Variants in PITPNM2 observed in about 807,000 individuals in gnomAD.
PITPNM2 encodes phosphatidylinositol transfer protein membrane associated 2.
In PITPNM2, 35 loss-of-function variants were observed where a neutral mutation model predicts 132.2. That is an observed-to-expected ratio of 0.26 (90% CI 0.20 to 0.35). The LOEUF (loss-of-function observed/expected upper bound fraction) is 0.35. Ranked by LOEUF, PITPNM2 falls within the 10% of genes least tolerant of loss-of-function variation. The probability of loss-of-function intolerance (pLI) is 1.00; values close to 1 mark genes in which losing one functional copy is unlikely to be tolerated. For missense variants in PITPNM2, 1,332 were observed against 1,912.0 expected, an observed-to-expected ratio of 0.70 and a Z score of 5.66; for synonymous variants, 738 against 799.2, an observed-to-expected ratio of 0.92 and a Z score of 1.29.
At chr12:123,041,650 G>A (rs1421815159) in intron 2 of PITPNM2, among the ~76,000 whole-genome samples, 4 of 152,166 alleles carry the variant, frequency 2.6e-5, no homozygotes, top group African/African-American at 9.7e-5. Flanking sequence ...ATTTCATCTC[G>A]TCTCTGCCGG....
At chr12:123,054,958 G>T (rs1270260109) in intron 2 of PITPNM2, among the ~76,000 whole-genome samples, 1 of 152,152 alleles carries the variant, frequency 6.6e-6, no homozygotes, top group East Asian at 1.9e-4. Flanking sequence ...CAGCTATTCA[G>T]GAGGCTGAGG....
At chr12:123,096,527 G>A (rs1240877508) in intron 2 of PITPNM2, among the ~76,000 whole-genome samples, 2 of 152,182 alleles carry the variant, frequency 1.3e-5, no homozygotes, top group East Asian at 3.9e-4. Context: ...AAGATGGGGA[G>A]GGGGGCGAGG....
At chr12:123,041,710 T>A (rs2040483245) in intron 2 of PITPNM2, among the ~76,000 whole-genome samples, 1 of 152,038 alleles carries the variant, frequency 6.6e-6, no homozygotes, top group South Asian at 2.1e-4. Context: ...CTGCAGGGCA[T>A]CTTTTGGGGC....
At chr12:123,026,225 G>A (rs2136371531) in intron 3 of PITPNM2, among the ~76,000 whole-genome samples, 1 of 152,320 alleles carries the variant, frequency 6.6e-6, no homozygotes, top group Non-Finnish European at 1.5e-5. Flanking sequence ...TGGCGTAATG[G>A]GTGGAATGTC....
chr12:123,051,829 AT>A (rs749109383), intron 2 of PITPNM2, among the ~76,000 whole-genome samples: 1 of 152,142 alleles, frequency 6.6e-6, no homozygotes, highest in Non-Finnish European at 1.5e-5. Flanking sequence ...CCCATCTGCG[AT>A]CACTCTAAAT....
chr12:123,150,805 C>CCGCCACCTCA lies in PITPNM2; in HGVS notation c.-262_-253dup, dbSNP rs2043726721. Among the ~76,000 whole-genome samples, 1 of 147,520 alleles carries CCGCCACCTCA rather than the reference C, an allele frequency of 6.8e-6. No individual in the cohort carries two copies. Among genetic ancestry groups the CCGCCACCTCA allele is most frequent in the South Asian group, 2.1e-4 (1 of 4,824 alleles). ...CCTCTTCGGGGCCCCGGCTGGGCCG[C>CCGCCACCTCA]CGCCACCTCACGCCGCCTCACGGGG... On this transcript the variant is annotated 5_prime_UTR_variant, in exon 1 of 26. Transcript: ENST00000320201. The surrounding 1 kb of genome is among the most constrained non-coding windows in gnomAD (Gnocchi z 6.0).
chr12:122,988,592 C>T (rs1384708990), intron 19 of PITPNM2, 132 bp downstream of exon 19: 11 of 983,778 alleles, frequency 1.1e-5, no homozygotes, highest in Middle Eastern at 6.4e-4. Flanking sequence ...CATAAAGGTG[C>T]CCTCATCTTG....
intron 3 of PITPNM2, among the ~76,000 whole-genome samples, chr12:123,018,001 TTCCTTC>T (rs2039496677): frequency 8.1e-6 from 1 of 123,334 alleles, no homozygotes; most frequent in Non-Finnish European, 1.6e-5. Flanking sequence ...CCTTCCTTCC[TTCCTTC>T]CTTCCTTCCT....
intron 2 of PITPNM2, chr12:123,089,706 A>G (rs1050532409): frequency 3.3e-5 from 5 of 152,234 alleles, no homozygotes; most frequent in Admixed American, 2.0e-4. Context: ...CTACTGCTCT[A>G]AGAACTGACT....
intron 2 of PITPNM2, chr12:123,075,830 G>A (rs920716819): frequency 6.6e-6 from 1 of 152,360 alleles, no homozygotes; most frequent in African/African-American, 2.4e-5. Context: ...AGCCAGGCTG[G>A]AGGAGCCGGC....
In PITPNM2 at chr12:123,064,600, C is replaced by T. The variant is rs1024329424; in HGVS notation, c.-95-29915G>A. On this transcript the variant is annotated intron_variant, in intron 2 of 25. Transcript: ENST00000320201. The surrounding 1 kb of genome is among the most constrained non-coding windows in gnomAD (Gnocchi z 4.0). ...CACAGCCCGCCACTTCCCTGCCAGG[C>T]TGACTGGGTCAAAAACAAAACGAGC... is the stretch of plus-strand genomic sequence containing the variant. Among the ~76,000 whole-genome samples the T allele has an allele frequency of 1.3e-5, 2 of 152,244 alleles. No homozygotes were observed. The highest frequency in any genetic ancestry group is 4.8e-5 in the African/African-American group (2 of 41,452).
At position 123,097,846 on chromosome 12, in the gene PITPNM2, T is replaced by C. The variant is rs539145184; in HGVS notation, c.-96+12539A>G. Among the ~76,000 whole-genome samples, 6 of 152,342 alleles carry C rather than the reference T, an allele frequency of 3.9e-5. No individual in the cohort carries two copies. The highest frequency in any genetic ancestry group is 3.9e-4 in the Admixed American group (6 of 15,296). ...TACATCTGCCACTTGGCAGTGGGTATGAGGAACAGCTGGACAGAGCTCGGA... is the reference window on the plus strand; with the variant it reads ...TACATCTGCCACTTGGCAGTGGGTACGAGGAACAGCTGGACAGAGCTCGGA... On this transcript the variant is annotated intron_variant, in intron 2 of 25. Coordinates refer to ENST00000320201, the MANE Select transcript of PITPNM2 (RefSeq NM_020845.3). The surrounding 1 kb of genome is among the most constrained non-coding windows in gnomAD (Gnocchi z 4.7).
chr12:123,140,649 T>C (rs1427774150), intron 1 of PITPNM2, among the ~76,000 whole-genome samples: 3 of 151,952 alleles, frequency 2.0e-5, no homozygotes, highest in Non-Finnish European at 2.9e-5. Flanking sequence ...CTGAACGTTG[T>C]TCTCCCTTAA....
intron 2 of PITPNM2, among the ~76,000 whole-genome samples, chr12:123,050,378 T>C (rs1169145524): frequency 1.3e-5 from 2 of 152,158 alleles, no homozygotes; most frequent in African/African-American, 4.8e-5. Flanking sequence ...CAGGGCAAGA[T>C]GGGAACACAA....
chr12:123,089,528 AG>A (rs1210443957), intron 2 of PITPNM2: 1 of 152,216 alleles, frequency 6.6e-6, no homozygotes, highest in African/African-American at 2.4e-5. Context: ...CTAGAGTCTC[AG>A]GGGTCTTTAA....
At chr12:122,998,541 G>A (rs566499609) in intron 10 of PITPNM2, among the ~76,000 whole-genome samples, 1 of 152,368 alleles carries the variant, frequency 6.6e-6, no homozygotes, top group South Asian at 2.1e-4. Flanking sequence ...TATGTGACCA[G>A]AGGATAGCAG....
intron 2 of PITPNM2, among the ~76,000 whole-genome samples, chr12:123,039,870 C>T (rs745525008): frequency 5.3e-5 from 8 of 152,210 alleles, no homozygotes; most frequent in Non-Finnish European, 1.0e-4. Context: ...AGGTGGCTCA[C>T]GCCTTAATCC....
chr12:123,017,091 G>C (rs888701175), intron 3 of PITPNM2, among the ~76,000 whole-genome samples: 4 of 149,418 alleles, frequency 2.7e-5, no homozygotes, highest in African/African-American at 9.9e-5. Context: ...GTTTAGCAGG[G>C]CAGGCATGGT....
rs182960156 is a variant in PITPNM2, at chr12:123,031,817, C to T, written c.78+2696G>A. 1.9e-3 allele frequency among the ~76,000 whole-genome samples: 297 copies of T among 152,328 alleles called. No homozygotes were observed. Among genetic ancestry groups the T allele is most frequent in the Non-Finnish European group, 3.5e-3 (236 of 68,034 alleles). Reference sequence around the variant, plus strand: ...CTTTCTTTTTTAACAGGAAAGCAGACGTGTGCACACATGCTTGCTCACCCA... The same window carrying T: ...CTTTCTTTTTTAACAGGAAAGCAGATGTGTGCACACATGCTTGCTCACCCA... On this transcript the variant is annotated intron_variant, in intron 3 of 25. Transcript: ENST00000320201. This position sits in a 1 kb window ranked among gnomAD's most constrained non-coding sequence, Gnocchi z 4.5.
Sources: allele counts gnomAD v4.1 joint callset (sites outside exome capture counted in the v4.1 genomes callset), GRCh38; gene constraint gnomAD v4.1.1; non-coding constraint Gnocchi (gnomAD v3.1); transcripts MANE v1.5; gene names NCBI Gene and HGNC (gene_info 2026-07-23, HGNC 2026-07-21).